Variants in CRYAB observed in about 807,000 individuals in gnomAD.
CRYAB encodes alpha-crystallin B chain.
A neutral mutation model predicts 12.7 loss-of-function variants in CRYAB; 9 were observed. The ratio of observed to expected loss-of-function variants is 0.71; its 90% confidence interval spans 0.43 to 1.24. The LOEUF (loss-of-function observed/expected upper bound fraction) is 1.24, where lower values mean the gene tolerates loss of function less well. CRYAB is among the 50% of genes most tolerant of loss of function. The pLI, the probability that CRYAB is intolerant of heterozygous loss-of-function variation, is 0.00. For missense variants in CRYAB, 183 were observed against 226.6 expected, an observed-to-expected ratio of 0.81 and a Z score of 1.24; for synonymous variants, 93 against 86.8, an observed-to-expected ratio of 1.07 and a Z score of -0.40.
chr11:111,909,000 G>C, intron 2 of CRYAB, 33 bp from the exon 3 acceptor site: 1 of 1,610,046 alleles, frequency 6.2e-7, no homozygotes, highest in Non-Finnish European at 8.5e-7. Flanking sequence ...GAGGCAGAGA[G>C]ATAAGAACAG....
chr11:111,908,683 G>T lies in CRYAB; in HGVS notation c.*81C>A. 2 of 1,392,480 alleles carry T rather than the reference G, an allele frequency of 1.4e-6. No homozygotes were observed. Among genetic ancestry groups the T allele is most frequent in the Non-Finnish European group, 2.0e-6 (2 of 982,806 alleles). 86.3% of individuals were successfully genotyped at this position (1,392,480 alleles called of 1,614,324 possible). On this transcript the variant is annotated 3_prime_UTR_variant, in exon 3 of 3. Coordinates refer to ENST00000650687, the MANE Select transcript of CRYAB (RefSeq NM_001289808.2). ...TTGGGCCTGCCCTTAGCATTAATAA[G>T]CTTCAGCACTAGTCACAAGACTTTC... is the stretch of plus-strand genomic sequence containing the variant.
upstream of CRYAB, chr11:111,912,705 A>C: frequency 2.5e-5 from 9 of 367,216 alleles, no homozygotes; most frequent in East Asian, 7.2e-5. Flanking sequence ...GCTCGGCACT[A>C]TTTTGGGTGG....
At chr11:111,917,395 C>T (rs782573871), upstream of CRYAB, among the ~76,000 whole-genome samples, 1 of 152,010 alleles carries the variant, frequency 6.6e-6, no homozygotes, top group Non-Finnish European at 1.5e-5. Context: ...GAAGCATGGC[C>T]ATGAAATAGT....
At chr11:111,916,256 G>GTC (rs1965596064), upstream of CRYAB, among the ~76,000 whole-genome samples, 1 of 148,228 alleles carries the variant, frequency 6.7e-6, no homozygotes, top group African/African-American at 2.5e-5. Flanking sequence ...TTAAGACAAA[G>GTC]TCTCTCTCTG....
chr11:111,913,049 C>T, upstream of CRYAB: 1 of 701,180 alleles, frequency 1.4e-6, no homozygotes, highest in Non-Finnish European at 2.6e-6. Context: ...AGCCACCCCC[C>T]ACCCCAGACT....
upstream of CRYAB, chr11:111,912,832 G>A: frequency 6.2e-7 from 1 of 1,600,782 alleles, no homozygotes; most frequent in South Asian, 1.1e-5. Context: ...CTGCAGCCAT[G>A]TCGGGCCGCT....
upstream of CRYAB, chr11:111,913,776 C>T (rs1555165913): frequency 6.2e-7 from 1 of 1,614,190 alleles, no homozygotes; most frequent in Non-Finnish European, 8.5e-7. Context: ...CATCTTAAAC[C>T]TGGAAGCACC....
At chr11:111,916,489 T>C (rs1965599826), upstream of CRYAB, among the ~76,000 whole-genome samples, 1 of 152,148 alleles carries the variant, frequency 6.6e-6, no homozygotes, top group Admixed American at 6.5e-5. Flanking sequence ...TCCCAACACA[T>C]TGGGGTTACA....
At chr11:111,912,433 G>T, upstream of CRYAB, 1 of 269,336 alleles carries the variant, frequency 3.7e-6, no homozygotes, top group Admixed American at 4.9e-5. Context: ...GGTGCACAGT[G>T]CCTGCCACCG....
At chr11:111,911,410 T>C (rs1279026991) in intron 1 of CRYAB, 114 bp downstream of exon 1, 4 of 1,062,362 alleles carry the variant, frequency 3.8e-6, no homozygotes, top group Non-Finnish European at 5.6e-6. Flanking sequence ...TTCTTCACAT[T>C]TGGACACACA....
chr11:111,911,831 G>A (rs1215150317), upstream of CRYAB: 3 of 770,272 alleles, frequency 3.9e-6, no homozygotes, highest in South Asian at 3.3e-5. Context: ...GAATGGTGAT[G>A]TCAGGGGTTT....
In CRYAB at chr11:111,911,748, T is replaced by C; in HGVS notation, c.-24A>G. ...ATGGTGGCTAGGTGAGTGTGAGGGG[T>C]CAGCTGGCTGGTCAGCTCCTTCAGC... On this transcript the variant is annotated 5_prime_UTR_variant, in exon 1 of 3. Coordinates refer to ENST00000650687, the MANE Select transcript of CRYAB (RefSeq NM_001289808.2). 3.9e-6 allele frequency: 6 copies of C among 1,521,294 alleles called. No individual in the cohort carries two copies. Among genetic ancestry groups the C allele is most frequent in the Non-Finnish European group, 5.4e-6 (6 of 1,114,908 alleles). The allele number at this position is 1,521,294 out of a possible 1,614,324, so 94.2% of individuals were successfully genotyped here.
chr11:111,910,148 TAACAAC>T (rs782216510), intron 2 of CRYAB, 173 bp downstream of exon 2: 19 of 783,644 alleles, frequency 2.4e-5, no homozygotes, highest in Middle Eastern at 2.2e-4. Context: ...GCCATAATAG[TAACAAC>T]AGCAATATGT....
chr11:111,913,553 C>T (rs781799151), upstream of CRYAB: 5 of 1,614,166 alleles, frequency 3.1e-6, no homozygotes, highest in South Asian at 4.4e-5. Context: ...AGCTTAGGCT[C>T]AGTGAGGGCA....
intron 1 of CRYAB, chr11:111,910,912 T>G: frequency 3.7e-6 from 1 of 271,896 alleles, no homozygotes; most frequent in Non-Finnish European, 7.1e-6. Context: ...CACACTTGAA[T>G]ATTTTTAAAC....
At chr11:111,913,632 C>T, upstream of CRYAB, 1 of 1,614,180 alleles carries the variant, frequency 6.2e-7, no homozygotes, top group Non-Finnish European at 8.5e-7. Context: ...TGTGGATAAC[C>T]TGCTGGAGGT....
intron 1 of CRYAB, chr11:111,918,783 C>T (rs587685296): frequency 2.7e-5 from 19 of 702,482 alleles, no homozygotes; most frequent in Non-Finnish European, 4.5e-5. Context: ...TGTTGTTCTA[C>T]CCTTTGGCTG....
At chr11:111,914,113 A>G, upstream of CRYAB, 2 of 502,508 alleles carry the variant, frequency 4.0e-6, no homozygotes, top group Non-Finnish European at 7.0e-6. Flanking sequence ...ACTGCTCCCT[A>G]TTCTGTGGCC....
chr11:111,918,851 G>T, intron 1 of CRYAB: 1 of 1,168,328 alleles, frequency 8.6e-7, no homozygotes, highest in African/African-American at 1.5e-5. Flanking sequence ...CAACCTGCTA[G>T]GTTGAAATCT....
Sources: allele counts gnomAD v4.1 joint callset (sites outside exome capture counted in the v4.1 genomes callset), GRCh38; gene constraint gnomAD v4.1.1; transcripts MANE v1.5; gene names NCBI Gene and HGNC (gene_info 2026-07-23, HGNC 2026-07-21).